The following YLPM1 variants were observed in gnomAD, a reference collection of about 807,000 sequenced individuals.
YLPM1 encodes the protein YLP motif containing 1, also known as YLP motif-containing protein 1.
In YLPM1, 99 loss-of-function variants were observed where a neutral mutation model predicts 230.0. That is an observed-to-expected ratio of 0.43 (90% CI 0.37 to 0.51). The LOEUF (loss-of-function observed/expected upper bound fraction) is 0.51. Ranked by LOEUF, YLPM1 falls within the 20% of genes least tolerant of loss-of-function variation. YLPM1 has a pLI of 0.00. For synonymous variants in YLPM1, 984 were observed against 942.5 expected (o/e 1.04, Z -0.81); for missense variants, 2,592 against 2,707.7 (o/e 0.96, Z 0.95).
intron 5 of YLPM1, among the ~76,000 whole-genome samples, chr14:74,801,279 G>T (rs2091322052): frequency 6.6e-6 from 1 of 152,152 alleles, no homozygotes; most frequent in Non-Finnish European, 1.5e-5. Flanking sequence ...AAGTCGTAAG[G>T]AGTATCATAA....
chr14:74,829,462 A>G (rs2091591701), intron 19 of YLPM1, 119 bp downstream of exon 19: 3 of 1,367,096 alleles, frequency 2.2e-6, no homozygotes, highest in African/African-American at 1.4e-5. Context: ...AGTTTACGCT[A>G]TGTCATGTAT....
rs184631893 is a variant in YLPM1 at position 74,787,597 on chromosome 14, C to T, written c.2282+5272C>T. On this transcript the variant is annotated intron_variant, in intron 4 of 20. Coordinates refer to ENST00000325680, the MANE Select transcript of YLPM1 (RefSeq NM_019589.3). ...TCTCAAAAAAAAAAAAGAAACTAAA[C>T]GCTGCAGTAAGACAGTTTGATCTCA... 9.9e-5 allele frequency among the ~76,000 whole-genome samples: 15 copies of T among 151,062 alleles called. No individual in the cohort carries two copies. In the East Asian group the frequency reaches 1.4e-3, roughly 14 times the overall value.
At chr14:74,792,940 A>C (rs1036204283) in intron 4 of YLPM1, among the ~76,000 whole-genome samples, 2 of 152,184 alleles carry the variant, frequency 1.3e-5, no homozygotes, top group African/African-American at 2.4e-5. Context: ...CAATGTCTTT[A>C]TTCTAATCTC....
At chr14:74,818,210 A>G (rs771497134) in intron 15 of YLPM1, 21 bp from the exon 16 acceptor site, 2 of 1,576,582 alleles carry the variant, frequency 1.3e-6, no homozygotes, top group East Asian at 2.3e-5. Flanking sequence ...AGATAACTCA[A>G]CCATCTGAAT....
intron 15 of YLPM1, 73 bp from the exon 16 acceptor site, chr14:74,818,158 T>G (rs2091494033): frequency 1.2e-6 from 1 of 808,038 alleles, no homozygotes; most frequent in African/African-American, 1.8e-5. Context: ...TGTTAAATGT[T>G]GTTTATCTTG....
At position 74,835,252 on chromosome 14, in the gene YLPM1, A is replaced by G. The variant is rs375670082; in HGVS notation, c.6295-13A>G. 49 of 1,613,130 alleles carry G rather than the reference A, an allele frequency of 3.0e-5. No homozygotes were observed. The African/African-American group carries it at 3.7e-4, about 12-fold the overall frequency. Reference sequence around the variant, plus strand: ...TTTTCCTAAAGCTCAGCCTAATGCTATGTTCTTTTTAGGTCAGATGGGCAG... The same window carrying G: ...TTTTCCTAAAGCTCAGCCTAATGCTGTGTTCTTTTTAGGTCAGATGGGCAG... On this transcript the variant is annotated splice_polypyrimidine_tract_variant and intron_variant, in intron 19 of 20. Transcript: ENST00000325680.
At chr14:74,831,434 G>T (rs553158618) in intron 19 of YLPM1, among the ~76,000 whole-genome samples, 1 of 152,226 alleles carries the variant, frequency 6.6e-6, no homozygotes, top group Non-Finnish European at 1.5e-5. Context: ...GCCAACAGAG[G>T]CAGAAGTGGC....
chr14:74,811,823 T>G (rs1225276566), intron 10 of YLPM1, 85 bp downstream of exon 10: 2 of 972,168 alleles, frequency 2.1e-6, no homozygotes, highest in African/African-American at 3.4e-5. Context: ...AATTTAAACT[T>G]TTAGAGTAAA....
chr14:74,768,692 C>T (rs1001957946), intron 1 of YLPM1, among the ~76,000 whole-genome samples: 2 of 152,154 alleles, frequency 1.3e-5, no homozygotes, highest in Admixed American at 1.3e-4. Flanking sequence ...GTGCCAGGTA[C>T]TATGAGTACT....
At chr14:74,789,497 G>T (rs1479609749) in intron 4 of YLPM1, among the ~76,000 whole-genome samples, 2 of 151,812 alleles carry the variant, frequency 1.3e-5, no homozygotes, top group African/African-American at 4.8e-5. Context: ...GATTACCGGT[G>T]TGAGCCATCA....
At chr14:74,818,201 G>A in intron 15 of YLPM1, 30 bp from the exon 16 acceptor site, 1 of 1,546,054 alleles carries the variant, frequency 6.5e-7, no homozygotes, top group African/African-American at 1.4e-5. Context: ...AGTTTCTAGA[G>A]ATAACTCAAC....
In YLPM1 at chr14:74,799,241, C is replaced by T; in HGVS notation, c.3944C>T (p.Pro1315Leu). 6.2e-7 allele frequency: 1 copy of T among 1,613,940 alleles called. No homozygotes were observed. The highest frequency in any genetic ancestry group is 8.5e-7 in the Non-Finnish European group (1 of 1,179,864). Residue 1315 changes from proline (P) to leucine (L), a missense_variant, in exon 5 of 21, where the codon CCA becomes CTA. By Grantham distance (98) the Pro-to-Leu change is moderately conservative. Coordinates refer to ENST00000325680, the MANE Select transcript of YLPM1 (RefSeq NM_019589.3). ...GAGTGGGACAGAGATTATGGGAGAC[C>T]ACTGGATGAACAAGAATCACAGTTT... is the stretch of plus-strand genomic sequence containing the variant. ...DNEWDRDYGR[P>L]LDEQESQFRE...
intron 18 of YLPM1, among the ~76,000 whole-genome samples, chr14:74,828,850 A>C (rs974900604): frequency 6.6e-6 from 1 of 152,220 alleles, no homozygotes; most frequent in Non-Finnish European, 1.5e-5. Context: ...TGTTAAAGAA[A>C]AAAAGAATGG....
At chr14:74,827,991 G>A (rs189770123) in intron 18 of YLPM1, 168 of 985,262 alleles carry the variant, frequency 1.7e-4, no homozygotes, top group Middle Eastern at 5.2e-4. Flanking sequence ...GTTGCAGTTC[G>A]CCTTACTGAT....
In YLPM1 at chr14:74,824,244, T is replaced by C; in HGVS notation, c.6112-12T>C. The C allele has an allele frequency of 6.2e-7, 1 of 1,611,846 alleles. No homozygotes were observed. The highest frequency in any genetic ancestry group is 8.5e-7 in the Non-Finnish European group (1 of 1,178,610). On this transcript the variant is annotated splice_polypyrimidine_tract_variant and intron_variant, in intron 17 of 20. Transcript: ENST00000325680. ...TTCTAACCCTTCGAGCTTCTCTCTGTGTACGATTTAGGGTTACATTCCGAA... is the reference window on the plus strand; with the variant it reads ...TTCTAACCCTTCGAGCTTCTCTCTGCGTACGATTTAGGGTTACATTCCGAA...
chr14:74,764,469 G>A (rs2090891443), intron 1 of YLPM1, 107 bp downstream of exon 1: 1 of 1,351,482 alleles, frequency 7.4e-7, no homozygotes, highest in Admixed American at 2.9e-5. Flanking sequence ...ACAATGACTA[G>A]CTAACACTCC....
At chr14:74,818,345 A>G in intron 16 of YLPM1, 31 bp downstream of exon 16, 1 of 1,533,816 alleles carries the variant, frequency 6.5e-7, no homozygotes, top group Non-Finnish European at 8.8e-7. Context: ...ATGCAATGCA[A>G]AGTGATGTTA....
At chr14:74,767,387 A>G (rs909298200) in intron 1 of YLPM1, among the ~76,000 whole-genome samples, 1 of 152,194 alleles carries the variant, frequency 6.6e-6, no homozygotes, top group African/African-American at 2.4e-5. Context: ...TCTGTTCCCA[A>G]ACAATGTTTT....
At position 74,781,977 on chromosome 14, in the gene YLPM1, A is replaced by G. The variant is rs763320025; in HGVS notation, c.1934A>G (p.Gln645Arg). ...PPGVPQGIPP[Q>R]LTAAPVPPAS... ...GGAGTTCCACAAGGGATACCTCCTCAGTTAACAGCAGCCCCAGTTCCACCA... is the reference window on the plus strand; with the variant it reads ...GGAGTTCCACAAGGGATACCTCCTCGGTTAACAGCAGCCCCAGTTCCACCA... The change falls in exon 4 of 21, where the codon CAG (glutamine) becomes CGG (arginine). Residue 645 changes from glutamine to arginine, a missense_variant. Transcript: ENST00000325680. 9 of 1,613,632 alleles carry G rather than the reference A, an allele frequency of 5.6e-6. No homozygotes were observed. Among genetic ancestry groups the G allele is most frequent in the Admixed American group, 1.7e-5 (1 of 59,984 alleles).
Sources: allele counts gnomAD v4.1 joint callset (sites outside exome capture counted in the v4.1 genomes callset), GRCh38; gene constraint gnomAD v4.1.1; transcripts MANE v1.5; gene names NCBI Gene and HGNC (gene_info 2026-07-23, HGNC 2026-07-21).